ATP2B2: variants seen among roughly 807,000 people sequenced by gnomAD.
ATP2B2 encodes the protein plasma membrane calcium-transporting ATPase 2.
ATP2B2 carries 15 observed loss-of-function variants against 120.0 expected under a neutral mutation model. That is an observed-to-expected ratio of 0.12 (90% CI 0.08 to 0.19). ATP2B2 has a LOEUF of 0.19. Ranked by LOEUF, ATP2B2 falls within the 10% of genes least tolerant of loss-of-function variation. ATP2B2 has a pLI of 1.00. For missense variants in ATP2B2, 1,045 were observed against 1,719.8 expected, an observed-to-expected ratio of 0.61 and a Z score of 6.94; for synonymous variants, 694 against 700.3, an observed-to-expected ratio of 0.99 and a Z score of 0.14.
rs148900399 is a variant in ATP2B2 at position 10,479,492 on chromosome 3, G to T, written c.-320+25973C>A. 5.3e-3 allele frequency among the ~76,000 whole-genome samples: 801 copies of T among 151,862 alleles called. 10 individuals are homozygous for T. The highest frequency in any genetic ancestry group is 0.018 in the African/African-American group (748 of 41,370). ...TTACTTACGAAATCACACTCATCCT[G>T]GTTGTATTTTAAACATGTTTGTGTG... On this transcript the variant is annotated intron_variant, in intron 1 of 22. Transcript: ENST00000360273.
chr3:10,420,080 G>T (rs1207215994), intron 2 of ATP2B2, among the ~76,000 whole-genome samples: 1 of 152,244 alleles, frequency 6.6e-6, no homozygotes, highest in African/African-American at 2.4e-5. Context: ...GTGCATGCAT[G>T]CGTGCCCGAG....
intron 1 of ATP2B2, among the ~76,000 whole-genome samples, chr3:10,644,510 G>A (rs535694857): frequency 3.3e-5 from 5 of 152,284 alleles, no homozygotes; most frequent in Admixed American, 2.0e-4. Flanking sequence ...GAAGCAACCC[G>A]AATGTTCATC....
At chr3:10,678,372 G>A (rs1377094393) in intron 1 of ATP2B2, among the ~76,000 whole-genome samples, 3 of 152,222 alleles carry the variant, frequency 2.0e-5, no homozygotes, top group East Asian at 1.9e-4. Flanking sequence ...CGTGAGAGAT[G>A]TGCCCGGCAC....
intron 1 of ATP2B2, among the ~76,000 whole-genome samples, chr3:10,645,722 G>A (rs2070304493): frequency 1.3e-5 from 2 of 152,180 alleles, no homozygotes; most frequent in Admixed American, 1.3e-4. Context: ...TATGATGCCT[G>A]GAAAATTCGT....
At chr3:10,597,192 TAC>T (rs1214810254) in intron 2 of ATP2B2, among the ~76,000 whole-genome samples, 3 of 100,984 alleles carry the variant, frequency 3.0e-5, no homozygotes, top group Non-Finnish European at 6.0e-5. Flanking sequence ...CACACAGACA[TAC>T]ACACACAGGC....
chr3:10,432,611 G>A (rs1195203871), intron 2 of ATP2B2, among the ~76,000 whole-genome samples: 1 of 152,240 alleles, frequency 6.6e-6, no homozygotes, highest in Non-Finnish European at 1.5e-5. Flanking sequence ...AGATCTCCCA[G>A]GACTTCAAGA....
chr3:10,388,218 C>CAA lies in ATP2B2; in HGVS notation c.907+57_907+58dup, dbSNP rs146403314. The CAA allele has an allele frequency of 5.4e-5, 77 of 1,431,624 alleles. No individual in the cohort carries two copies. In the African/African-American group the frequency reaches 7.6e-4, roughly 14 times the overall value. The allele number at this position is 1,431,624 out of a possible 1,614,324, so 88.7% of individuals were successfully genotyped here. On this transcript the variant is annotated intron_variant, in intron 6 of 22. Coordinates refer to ENST00000360273, the MANE Select transcript of ATP2B2 (RefSeq NM_001001331.4). The stretch of plus-strand genomic sequence containing the variant: ...CTATTTTGTTGAGTGAACAAATAAA[C>CAA]AAAAAAAAAATGTGGCCTTAAGAGC...
rs1171293642 is a variant in ATP2B2, at chr3:10,350,596, G to A, written c.2137-19C>T. 1 of 1,607,744 alleles carries A rather than the reference G, an allele frequency of 6.2e-7. No homozygotes were observed. The highest frequency in any genetic ancestry group is 1.1e-5 in the South Asian group (1 of 91,032). ...CTGGGACCTGGGCAGGAGGGCAGGG[G>A]CCATGGGGGAGGGCACCACCTCAGG... On this transcript the variant is annotated intron_variant, in intron 14 of 22. Transcript: ENST00000360273.
chr3:10,531,631 G>C (rs1575465860), intron 3 of ATP2B2, among the ~76,000 whole-genome samples: 2 of 152,350 alleles, frequency 1.3e-5, no homozygotes, highest in African/African-American at 4.8e-5. Flanking sequence ...AACATGGGTT[G>C]TATGTGTGGA....
chr3:10,649,691 A>C (rs1167202243), intron 1 of ATP2B2, among the ~76,000 whole-genome samples: 1 of 152,180 alleles, frequency 6.6e-6, no homozygotes, highest in Non-Finnish European at 1.5e-5. Context: ...GTTCCCACCC[A>C]TATCTCATCT....
In ATP2B2 at chr3:10,513,704, T is replaced by C. The variant is rs185826439; in HGVS notation, c.-320+20335A>G. On this transcript the variant is annotated intron_variant, in intron 3 of 21. Transcript: ENST00000646379. ...CAGTTGGGAGGAGAAGAACAGCCAG[T>C]AGACATTCACAGAGTCGCGAATGTG... Among the ~76,000 whole-genome samples the C allele has an allele frequency of 9.9e-4, 150 of 152,160 alleles. 1 individual carries two copies. Among genetic ancestry groups the C allele is most frequent in the African/African-American group, 3.5e-3 (145 of 41,502 alleles).
chr3:10,458,695 A>G (rs1172707859), intron 1 of ATP2B2, among the ~76,000 whole-genome samples: 2 of 152,090 alleles, frequency 1.3e-5, no homozygotes, highest in Non-Finnish European at 1.5e-5. Flanking sequence ...TGTGATGACT[A>G]TGATGAACAG....
intron 11 of ATP2B2, among the ~76,000 whole-genome samples, chr3:10,373,892 A>C (rs911004739): frequency 6.6e-6 from 1 of 152,062 alleles, no homozygotes; most frequent in Non-Finnish European, 1.5e-5. Flanking sequence ...GGAAACTTAA[A>C]ATTGCACACG....
intron 2 of ATP2B2, among the ~76,000 whole-genome samples, chr3:10,565,681 G>A (rs1410823449): frequency 6.6e-6 from 1 of 152,212 alleles, no homozygotes; most frequent in African/African-American, 2.4e-5. Flanking sequence ...GGAGCCTCCA[G>A]TCTTCAGGCC....
intron 3 of ATP2B2, among the ~76,000 whole-genome samples, chr3:10,518,751 C>T (rs1303189266): frequency 6.6e-6 from 1 of 152,254 alleles, no homozygotes; most frequent in Non-Finnish European, 1.5e-5. Context: ...TCTTTGAAAG[C>T]TCCTTTCACT....
rs535794792 is a variant in ATP2B2 at position 10,523,662 on chromosome 3, G to A, written c.-320+10377C>T. On this transcript the variant is annotated intron_variant, in intron 3 of 21. Transcript: ENST00000646379. Reference sequence around the variant, plus strand: ...TAAATCATATTTCAAATATGCCATCGGAAAAACCGTGGTTCACAGGAAAAA... The same window carrying A: ...TAAATCATATTTCAAATATGCCATCAGAAAAACCGTGGTTCACAGGAAAAA... 3.9e-5 allele frequency among the ~76,000 whole-genome samples: 6 copies of A among 152,224 alleles called. No individual in the cohort carries two copies. In the South Asian group the frequency reaches 1.0e-3, roughly 26 times the overall value.
intron 1 of ATP2B2, among the ~76,000 whole-genome samples, chr3:10,621,410 G>A (rs1043186297): frequency 1.3e-5 from 2 of 152,220 alleles, no homozygotes; most frequent in African/African-American, 2.4e-5. Flanking sequence ...ACACGAGCCC[G>A]ACAAGAGGCA....
chr3:10,456,840 G>T (rs892154199), intron 1 of ATP2B2, among the ~76,000 whole-genome samples: 6 of 152,180 alleles, frequency 3.9e-5, no homozygotes, highest in African/African-American at 1.4e-4. Context: ...GCAAATTCTG[G>T]CCTTTCTGTA....
chr3:10,561,912 T>C (rs2125530803), intron 2 of ATP2B2, among the ~76,000 whole-genome samples: 1 of 152,286 alleles, frequency 6.6e-6, no homozygotes, highest in Non-Finnish European at 1.5e-5. Flanking sequence ...GTCACAGAGC[T>C]AGCAAATCAC....
Sources: gnomAD v4.1 joint callset for allele counts (sites outside exome capture counted in the v4.1 genomes callset) on GRCh38, gnomAD v4.1.1 for gene constraint, MANE v1.5 for transcripts, NCBI Gene and HGNC (gene_info 2026-07-23, HGNC 2026-07-21) for gene names.